MCPH1: variants seen among roughly 807,000 people sequenced by gnomAD.
MCPH1 encodes the protein microcephalin.
A neutral mutation model predicts 84.5 loss-of-function variants in MCPH1; 104 were observed. The observed-to-expected ratio is 1.23, with a 90% CI of 1.05 to 1.45. The LOEUF (loss-of-function observed/expected upper bound fraction) is 1.45, where lower values mean the gene tolerates loss of function less well. Ranked by LOEUF, MCPH1 falls within the 40% of genes most tolerant of loss-of-function variation. The pLI, the probability that MCPH1 is intolerant of heterozygous loss-of-function variation, is 0.00. For synonymous variants in MCPH1, 514 were observed against 366.8 expected, an observed-to-expected ratio of 1.40 and a Z score of -4.58; for missense variants, 1,498 against 1,005.7, an observed-to-expected ratio of 1.49 and a Z score of -6.62.
At chr8:6,410,416 A>T (rs1252651222) in intron 2 of MCPH1, among the ~76,000 whole-genome samples, 1 of 152,246 alleles carries the variant, frequency 6.6e-6, no homozygotes, top group Non-Finnish European at 1.5e-5. Flanking sequence ...TGCTGAACTT[A>T]GTGCAGTTTT....
intron 3 of MCPH1, among the ~76,000 whole-genome samples, chr8:6,421,268 G>A (rs1800158282): frequency 6.6e-6 from 1 of 152,122 alleles, no homozygotes; most frequent in South Asian, 2.1e-4. Flanking sequence ...GCCTCTCCCT[G>A]GCTCTGGCTG....
At chr8:6,421,099 G>C (rs1442125349) in intron 3 of MCPH1, among the ~76,000 whole-genome samples, 1 of 152,206 alleles carries the variant, frequency 6.6e-6, no homozygotes, top group East Asian at 1.9e-4. Context: ...ATTGAGCACA[G>C]GCAGCTTGTT....
chr8:6,642,064 A>C (rs1333750363), intron 13 of MCPH1, among the ~76,000 whole-genome samples: 1 of 152,166 alleles, frequency 6.6e-6, no homozygotes, highest in Non-Finnish European at 1.5e-5. Context: ...TTTGTAGATT[A>C]AACCCATTTT....
At chr8:6,602,915 A>G (rs1016200291) in intron 12 of MCPH1, among the ~76,000 whole-genome samples, 2 of 151,924 alleles carry the variant, frequency 1.3e-5, no homozygotes, top group Non-Finnish European at 2.9e-5. Context: ...AAATATATAT[A>G]TATGTATATT....
chr8:6,616,283 T>G (rs1830785129), intron 12 of MCPH1: 1 of 152,278 alleles, frequency 6.6e-6, no homozygotes, highest in Admixed American at 6.5e-5. Context: ...GAAAAGCGAA[T>G]GCACTAATTG....
chr8:6,427,282 A>G (rs1045344750), intron 3 of MCPH1, among the ~76,000 whole-genome samples: 4 of 152,204 alleles, frequency 2.6e-5, no homozygotes, highest in Non-Finnish European at 5.9e-5. Context: ...GGCCTAGGAC[A>G]TTACTACTAT....
At chr8:6,586,740 G>A (rs1270509794) in intron 12 of MCPH1, among the ~76,000 whole-genome samples, 3 of 152,166 alleles carry the variant, frequency 2.0e-5, no homozygotes, top group East Asian at 1.9e-4. Context: ...TCTATGGGCC[G>A]CGGGAGCCCT....
Position 6,505,366 on chromosome 8 carries a change from T to TAGAA in MCPH1, c.2214+5438_2214+5441dup, listed in dbSNP as rs1563306532. On this transcript the variant is annotated intron_variant, in intron 12 of 13. Transcript: ENST00000344683. ...TATATATATTCTTTCTATATGTATA[T>TAGAA]AGAATATATATATTCTTTCTATATG... 1.1e-3 allele frequency among the ~76,000 whole-genome samples: 84 copies of TAGAA among 79,552 alleles called. 3 individuals carry two copies. The highest frequency in any genetic ancestry group is 7.3e-3 in the Admixed American group (50 of 6,854). 52.2% of individuals were successfully genotyped at this position (79,552 alleles called of 152,430 possible).
intron 12 of MCPH1, among the ~76,000 whole-genome samples, chr8:6,582,979 T>C (rs2129577156): frequency 6.6e-6 from 1 of 152,346 alleles, no homozygotes; most frequent in South Asian, 2.1e-4. Context: ...TCTGAAGTTC[T>C]GCACGTACTT....
intron 13 of MCPH1, among the ~76,000 whole-genome samples, chr8:6,624,302 C>T (rs896230626): frequency 3.3e-5 from 5 of 152,246 alleles, no homozygotes; most frequent in African/African-American, 1.2e-4. Context: ...ATTATGCCAT[C>T]TGCCTGTGCC....
At position 6,444,509 on chromosome 8, in the gene MCPH1, T is replaced by G; in HGVS notation, c.787T>G (p.Cys263Gly). 1.9e-6 allele frequency: 3 copies of G among 1,614,198 alleles called. No homozygotes were observed. The highest frequency in any genetic ancestry group is 2.5e-6 in the Non-Finnish European group (3 of 1,180,024). ...GSINDIKSDVCISSLVLKANN... is the reference protein window; with the variant it reads ...GSINDIKSDVGISSLVLKANN... ...CATTAATGACATTAAAAGTGATGTG[T>G]GTATTTCTTCACTTGTATTGAAAGC... Residue 263 changes from cysteine to glycine, a missense_variant, in exon 8 of 14, where the codon TGT becomes GGT. By Grantham distance (159) the Cys-to-Gly change is radical (BLOSUM62 -3). Transcript: ENST00000344683.
At chr8:6,617,787 C>A (rs963592672) in intron 12 of MCPH1, among the ~76,000 whole-genome samples, 7 of 152,132 alleles carry the variant, frequency 4.6e-5, no homozygotes, top group South Asian at 4.1e-4. Flanking sequence ...AGTGATCCTC[C>A]CACCTCAGCC....
intron 8 of MCPH1, chr8:6,446,895 C>G: frequency 1.0e-6 from 1 of 985,212 alleles, no homozygotes; most frequent in Non-Finnish European, 1.2e-6. Flanking sequence ...GCGTCGACAG[C>G]CTCCGGGGTT....
chr8:6,479,033 G>C (rs1808837729), intron 10 of MCPH1, among the ~76,000 whole-genome samples: 1 of 152,208 alleles, frequency 6.6e-6, no homozygotes, highest in Admixed American at 6.5e-5. Context: ...GAGGGTCCCA[G>C]GTGGACATAT....
At position 6,439,039 on chromosome 8, in the gene MCPH1, G is replaced by A. The variant is rs370831760; in HGVS notation, c.523G>A (p.Ala175Thr). 61 of 1,612,800 alleles carry A rather than the reference G, an allele frequency of 3.8e-5. No homozygotes were observed. Among genetic ancestry groups the A allele is most frequent in the East Asian group, 1.8e-4 (8 of 44,848 alleles). Residue 175 changes from alanine (A) to threonine (T), a missense_variant, in exon 6 of 14, where the codon GCA becomes ACA. Coordinates refer to ENST00000344683, the MANE Select transcript of MCPH1 (RefSeq NM_024596.5). Reference sequence around the variant, plus strand: ...TGAAATTAATAGTAGGCACCACAGCGCAATGGAGAAGAGATTACAAGAGAT... The same window carrying A: ...TGAAATTAATAGTAGGCACCACAGCACAATGGAGAAGAGATTACAAGAGAT... ...TIEINSRHHS[A>T]MEKRLQEMKE...
chr8:6,559,501 A>T (rs949749656), intron 12 of MCPH1, among the ~76,000 whole-genome samples: 1 of 152,170 alleles, frequency 6.6e-6, no homozygotes, highest in Admixed American at 6.5e-5. Context: ...TGTGTTGTTT[A>T]AAAAACAAAC....
At chr8:6,424,406 A>T (rs962042008) in intron 3 of MCPH1, among the ~76,000 whole-genome samples, 2 of 152,144 alleles carry the variant, frequency 1.3e-5, no homozygotes, top group African/African-American at 4.8e-5. Context: ...ACAGGGACAT[A>T]TTCCTGCATA....
At chr8:6,546,792 A>G (rs1303117962) in intron 12 of MCPH1, among the ~76,000 whole-genome samples, 1 of 152,202 alleles carries the variant, frequency 6.6e-6, no homozygotes, top group Non-Finnish European at 1.5e-5. Flanking sequence ...CCCCCAATCC[A>G]AGTATTGCCT....
At chr8:6,554,001 G>A (rs976804571) in intron 12 of MCPH1, among the ~76,000 whole-genome samples, 1 of 151,802 alleles carries the variant, frequency 6.6e-6, no homozygotes, top group African/African-American at 2.4e-5. Context: ...AGAGAGACGA[G>A]CGCACAACTC....
Sources: gnomAD v4.1 joint callset for allele counts (sites outside exome capture counted in the v4.1 genomes callset) on GRCh38, gnomAD v4.1.1 for gene constraint, MANE v1.5 for transcripts, NCBI Gene and HGNC (gene_info 2026-07-23, HGNC 2026-07-21) for gene names.